The following LRBA variants were observed in gnomAD, a reference collection of about 807,000 sequenced individuals.
The protein encoded by LRBA is LPS responsive beige-like anchor protein, also known as lipopolysaccharide-responsive and beige-like anchor protein.
Under a neutral mutation model 330.0 loss-of-function variants are expected in LRBA, and 176 were observed. That is an observed-to-expected ratio of 0.53 (90% CI 0.47 to 0.60). LRBA has a LOEUF of 0.60. Ranked by LOEUF, LRBA falls within the 20% of genes least tolerant of loss-of-function variation. The pLI is 0.00. For synonymous variants in LRBA, 1,230 were observed against 1,193.0 expected, an observed-to-expected ratio of 1.03 and a Z score of -0.64; for missense variants, 3,259 against 3,444.8, an observed-to-expected ratio of 0.95 and a Z score of 1.35.
At chr4:150,345,189 T>G (rs1299004334) in intron 48 of LRBA, among the ~76,000 whole-genome samples, 3 of 152,248 alleles carry the variant, frequency 2.0e-5, no homozygotes, top group African/African-American at 7.2e-5. Context: ...GATTATATTA[T>G]AATTGTTTAG....
chr4:150,276,470 C>G (rs529021721), intron 56 of LRBA, among the ~76,000 whole-genome samples: 2 of 152,304 alleles, frequency 1.3e-5, no homozygotes, highest in East Asian at 3.9e-4. Context: ...GCAAAAGAAA[C>G]TATCATCAGA....
chr4:150,530,272 A>C (rs1245904714), intron 40 of LRBA, among the ~76,000 whole-genome samples: 1 of 152,188 alleles, frequency 6.6e-6, no homozygotes, highest in Non-Finnish European at 1.5e-5. Flanking sequence ...TATAGAGAAA[A>C]AAAAAGTGAT....
intron 40 of LRBA, among the ~76,000 whole-genome samples, chr4:150,585,414 GA>G (rs1208159768): frequency 6.6e-6 from 1 of 152,094 alleles, no homozygotes; most frequent in Non-Finnish European, 1.5e-5. Context: ...TATAACCAAA[GA>G]AAAATTATTA....
At position 150,639,780 on chromosome 4, in the gene LRBA, T is replaced by G. The variant is rs1038640982; in HGVS notation, c.5922-40649A>C. Among the ~76,000 whole-genome samples, 2 of 2,690 alleles carry G rather than the reference T, an allele frequency of 7.4e-4. 1 individual carries two copies. Among genetic ancestry groups the G allele is most frequent in the Non-Finnish European group, 1.8e-3 (2 of 1,114 alleles). 1.8% of individuals were successfully genotyped at this position (2,690 alleles called of 152,430 possible). A position where few individuals can be genotyped will look rare whatever the true frequency, so the allele number is the denominator to read the frequency against. The stretch of plus-strand genomic sequence containing the variant: ...ATATATATATATATATATATATATA[T>G]ATGTGTGTGTGTATATATATATATA... On this transcript the variant is annotated intron_variant, in intron 37 of 56. Coordinates refer to ENST00000651943, the MANE Select transcript of LRBA (RefSeq NM_001364905.1).
intron 31 of LRBA, among the ~76,000 whole-genome samples, chr4:150,813,284 C>A (rs973911199): frequency 8.6e-5 from 13 of 151,954 alleles, no homozygotes. Context: ...TTACTAAAAT[C>A]ACTTTCGCTT....
chr4:150,607,141 T>G (rs531522212), intron 37 of LRBA, among the ~76,000 whole-genome samples: 3 of 152,158 alleles, frequency 2.0e-5, no homozygotes, highest in Admixed American at 6.5e-5. Context: ...GTAAAAAACA[T>G]AGGTTTAGAA....
intron 36 of LRBA, among the ~76,000 whole-genome samples, chr4:150,723,162 T>A (rs1560730670): frequency 6.6e-6 from 1 of 152,126 alleles, no homozygotes. Context: ...CTCCTAGTGC[T>A]GGGTTGGGCT....
At chr4:151,014,361 G>C (rs1745192165) in intron 2 of LRBA, 66 bp downstream of exon 2, 1 of 1,354,446 alleles carries the variant, frequency 7.4e-7, no homozygotes, top group African/African-American at 1.4e-5. Context: ...CATGGCTCCA[G>C]CTTTAAGATC....
At chr4:150,503,340 T>C (rs1760562091) in intron 40 of LRBA, among the ~76,000 whole-genome samples, 1 of 152,124 alleles carries the variant, frequency 6.6e-6, no homozygotes. Flanking sequence ...GGCCGGGTAC[T>C]CCCCTGAGAC....
intron 47 of LRBA, among the ~76,000 whole-genome samples, chr4:150,372,198 CTATT>C (rs532102427): frequency 3.2e-4 from 48 of 152,250 alleles, no homozygotes; most frequent in Non-Finnish European, 5.3e-4. Context: ...TGTTTGCTTA[CTATT>C]TATTTGAGTA....
At chr4:150,686,397 C>A (rs1392751558) in intron 36 of LRBA, among the ~76,000 whole-genome samples, 1 of 151,910 alleles carries the variant, frequency 6.6e-6, no homozygotes, top group Non-Finnish European at 1.5e-5. Context: ...TTCACTTTGT[C>A]AAAAATATGA....
intron 47 of LRBA, among the ~76,000 whole-genome samples, chr4:150,373,357 T>C (rs1740760458): frequency 6.6e-6 from 1 of 152,128 alleles, no homozygotes. Flanking sequence ...TCCTGGTCCA[T>C]ATTTTTCTCA....
chr4:150,987,050 T>C (rs1247361961), intron 2 of LRBA, among the ~76,000 whole-genome samples: 2 of 152,194 alleles, frequency 1.3e-5, no homozygotes, highest in Non-Finnish European at 2.9e-5. Context: ...TCAGGCAAAA[T>C]CATTCTTAAA....
At chr4:150,920,814 C>G (rs1453891436) in intron 5 of LRBA, among the ~76,000 whole-genome samples, 1 of 151,982 alleles carries the variant, frequency 6.6e-6, no homozygotes, top group African/African-American at 2.4e-5. Flanking sequence ...TATTTCTTCA[C>G]TATCATTCTA....
At position 150,998,529 on chromosome 4, in the gene LRBA, T is replaced by C. The variant is rs1381962281; in HGVS notation, c.216+15898A>G. Reference sequence around the variant, plus strand: ...CTACCACGTAGACCTGATTTTTTTGTTTTTTTGTAGATATAGGATCTCACT... The same window carrying C: ...CTACCACGTAGACCTGATTTTTTTGCTTTTTTGTAGATATAGGATCTCACT... On this transcript the variant is annotated intron_variant, in intron 2 of 56. Transcript: ENST00000651943. 2.0e-5 allele frequency among the ~76,000 whole-genome samples: 3 copies of C among 152,020 alleles called. No individual in the cohort carries two copies. In the East Asian group the frequency reaches 5.8e-4, roughly 29 times the overall value.
intron 40 of LRBA, among the ~76,000 whole-genome samples, chr4:150,577,488 C>A (rs1435571498): frequency 6.6e-6 from 1 of 151,446 alleles, no homozygotes; most frequent in Non-Finnish European, 1.5e-5. Flanking sequence ...ATGTAGCACC[C>A]ACATAGATGT....
At chr4:150,636,542 C>T (rs931765525) in intron 37 of LRBA, among the ~76,000 whole-genome samples, 14 of 152,118 alleles carry the variant, frequency 9.2e-5, no homozygotes, top group Admixed American at 2.6e-4. Flanking sequence ...CTCCACAGAG[C>T]CCTGGTTTCA....
chr4:150,361,657 G>A (rs1738707312), intron 47 of LRBA, among the ~76,000 whole-genome samples: 1 of 152,010 alleles, frequency 6.6e-6, no homozygotes, highest in Non-Finnish European at 1.5e-5. Flanking sequence ...TTCAGTCCCA[G>A]GCCCTCTGCC....
intron 35 of LRBA, among the ~76,000 whole-genome samples, chr4:150,744,055 C>A (rs756607315): frequency 1.1e-4 from 16 of 152,074 alleles, no homozygotes; most frequent in Non-Finnish European, 1.8e-4. Flanking sequence ...GGGGTGACAT[C>A]ATCAGGGTAT....
Sources: allele counts gnomAD v4.1 joint callset (sites outside exome capture counted in the v4.1 genomes callset), GRCh38; gene constraint gnomAD v4.1.1; transcripts MANE v1.5; gene names NCBI Gene and HGNC (gene_info 2026-07-23, HGNC 2026-07-21).